SHC3: variants seen among roughly 807,000 people sequenced by gnomAD.
SHC3 encodes SHC-transforming protein 3.
In SHC3, 15 loss-of-function variants were observed where a neutral mutation model predicts 60.4. That is an observed-to-expected ratio of 0.25 (90% CI 0.17 to 0.38). SHC3 has a LOEUF of 0.38. Ranked by LOEUF, SHC3 falls within the 10% of genes least tolerant of loss-of-function variation. SHC3 has a pLI of 1.00. For synonymous variants in SHC3, 294 were observed against 325.9 expected (o/e 0.90, Z 1.05); for missense variants, 677 against 786.1 (o/e 0.86, Z 1.66).
intron 1 of SHC3, among the ~76,000 whole-genome samples, chr9:89,170,019 G>A (rs1826846988): frequency 1.3e-5 from 2 of 152,070 alleles, no homozygotes; most frequent in Non-Finnish European, 2.9e-5. Flanking sequence ...ATGGGCTCAA[G>A]GCTCTCTTTC....
intron 11 of SHC3, among the ~76,000 whole-genome samples, chr9:89,022,684 T>A (rs1826224692): frequency 6.6e-6 from 1 of 152,082 alleles, no homozygotes; most frequent in Admixed American, 6.6e-5. Flanking sequence ...CAGAGGACCA[T>A]CCGAACATGC....
chr9:89,027,958 C>T (rs982211430), intron 11 of SHC3, among the ~76,000 whole-genome samples: 4 of 152,236 alleles, frequency 2.6e-5, no homozygotes, highest in Admixed American at 6.5e-5. Flanking sequence ...CAACTCCTTA[C>T]AGACAAACTA....
At chr9:89,092,969 T>C (rs1261753679) in intron 2 of SHC3, among the ~76,000 whole-genome samples, 1 of 152,220 alleles carries the variant, frequency 6.6e-6, no homozygotes, top group Non-Finnish European at 1.5e-5. Context: ...ATTTGTATCA[T>C]GCACATATCA....
intron 11 of SHC3, among the ~76,000 whole-genome samples, chr9:89,035,677 C>T (rs1321217524): frequency 6.6e-6 from 1 of 151,810 alleles, no homozygotes; most frequent in Non-Finnish European, 1.5e-5. Flanking sequence ...TGAGCCTCGG[C>T]CAGGTGTGGT....
intron 5 of SHC3, 57 bp downstream of exon 5, chr9:89,071,142 G>A (rs889019266): frequency 6.5e-7 from 1 of 1,529,982 alleles, no homozygotes; most frequent in East Asian, 2.2e-5. Flanking sequence ...ATTGAAGCAG[G>A]GGTCCCTTCT....
intron 11 of SHC3, among the ~76,000 whole-genome samples, chr9:89,014,193 T>TC (rs1199094528): frequency 6.6e-6 from 1 of 152,182 alleles, no homozygotes; most frequent in African/African-American, 2.4e-5. Context: ...GGCTCCGTGT[T>TC]CCTGGGCTTT....
At chr9:89,115,677 T>C (rs1826009860) in intron 1 of SHC3, among the ~76,000 whole-genome samples, 1 of 152,156 alleles carries the variant, frequency 6.6e-6, no homozygotes, top group Non-Finnish European at 1.5e-5. Flanking sequence ...AACTGCACAG[T>C]GCATGTCAAC....
rs1825848363 is a variant in SHC3 at position 89,105,645 on chromosome 9, A to T, written c.545+6911T>A. ...ACTAGACATGGTATGTGTTTGATAAATATTTGTTGAATGTATGAATGACAC... is the reference window on the plus strand; with the variant it reads ...ACTAGACATGGTATGTGTTTGATAATTATTTGTTGAATGTATGAATGACAC... On this transcript the variant is annotated intron_variant, in intron 2 of 11. Coordinates refer to ENST00000375835, the MANE Select transcript of SHC3 (RefSeq NM_016848.6). Among the ~76,000 whole-genome samples, 4 of 152,218 alleles carry T rather than the reference A, an allele frequency of 2.6e-5. No homozygotes were observed. In the South Asian group the frequency reaches 8.3e-4, roughly 32 times the overall value.
chr9:89,080,618 G>A (rs969244701), intron 2 of SHC3, among the ~76,000 whole-genome samples: 1 of 151,668 alleles, frequency 6.6e-6, no homozygotes, highest in Non-Finnish European at 1.5e-5. Flanking sequence ...AGCTATGCAG[G>A]AAAAAATTAT....
At chr9:89,065,400 A>G in intron 6 of SHC3, 129 bp downstream of exon 6, 1 of 986,074 alleles carries the variant, frequency 1.0e-6, no homozygotes, top group Non-Finnish European at 1.6e-6. Context: ...AACCTCATTC[A>G]TCCTTAGTAA....
At position 89,049,845 on chromosome 9, in the gene SHC3, C is replaced by T. The variant is rs534354846; in HGVS notation, c.962+2192G>A. ...CCAATCCAGCTATTTCTGAACCTCA[C>T]TTCCATTTTCTGTAAGTCATTTTCC... On this transcript the variant is annotated intron_variant, in intron 7 of 11. Coordinates refer to ENST00000375835, the MANE Select transcript of SHC3 (RefSeq NM_016848.6). Among the ~76,000 whole-genome samples the T allele has an allele frequency of 3.5e-4, 54 of 152,360 alleles. No homozygotes were observed. In the South Asian group the frequency reaches 0.011, roughly 30 times the overall value.
At position 89,075,116 on chromosome 9, in the gene SHC3, G is replaced by A. The variant is rs1266519008; in HGVS notation, c.722C>T (p.Ser241Phe). 4 of 1,613,912 alleles carry A rather than the reference G, an allele frequency of 2.5e-6. No individual in the cohort carries two copies. Residue 241 changes from serine to phenylalanine, a missense_variant, in exon 4 of 12, where the codon TCC becomes TTC. By Grantham distance (155) the Ser-to-Phe change is radical (BLOSUM62 -2). Transcript: ENST00000375835. ...TASLNLRTPD[S>F]KQIIANHHMR... ...ATCTGAGCACCCATGTACCTGTTTG[G>A]AGTCCGGAGTTCGCAGGTTCAGACT...
At chr9:89,108,882 C>T (rs79495171) in intron 2 of SHC3, among the ~76,000 whole-genome samples, 1,560 of 152,312 alleles carry the variant, frequency 0.01, 32 homozygotes, top group African/African-American at 0.036. Context: ...GTGCTAACCA[C>T]TCTCAAAGAA....
Position 89,126,010 on chromosome 9 carries a change from C to T in SHC3, c.475-13384G>A, listed in dbSNP as rs962172451. On this transcript the variant is annotated intron_variant, in intron 1 of 11. Coordinates refer to ENST00000375835, the MANE Select transcript of SHC3 (RefSeq NM_016848.6). Reference sequence around the variant, plus strand: ...GATTTGCTTCATATTATTTCTTGTGCGAGATCCAAGAACCCTCTCTTGGGA... The same window carrying T: ...GATTTGCTTCATATTATTTCTTGTGTGAGATCCAAGAACCCTCTCTTGGGA... 3.3e-5 allele frequency among the ~76,000 whole-genome samples: 5 copies of T among 152,084 alleles called. No individual in the cohort carries two copies. In the East Asian group the frequency reaches 7.7e-4, roughly 23 times the overall value.
rs191323006 is a variant in SHC3 at position 89,157,141 on chromosome 9, C to G, written c.474+20846G>C. ...CCCGCTAACACCCTCCTTTCTCCCA[C>G]TACAAACCTCAATAAATATTTGGCC... On this transcript the variant is annotated intron_variant, in intron 1 of 11. Coordinates refer to ENST00000375835, the MANE Select transcript of SHC3 (RefSeq NM_016848.6). 1.4e-4 allele frequency among the ~76,000 whole-genome samples: 21 copies of G among 152,314 alleles called. No homozygotes were observed. The East Asian group carries it at 1.9e-3, about 14-fold the overall frequency.
chr9:89,021,297 CTCCA>C (rs1826197273), intron 11 of SHC3, among the ~76,000 whole-genome samples: 1 of 152,188 alleles, frequency 6.6e-6, no homozygotes, highest in African/African-American at 2.4e-5. Context: ...ACTGTGCCAT[CTCCA>C]TGAAACCTCC....
At chr9:89,036,509 C>A (rs917734430) in intron 11 of SHC3, among the ~76,000 whole-genome samples, 3 of 152,114 alleles carry the variant, frequency 2.0e-5, no homozygotes, top group Non-Finnish European at 4.4e-5. Context: ...AGATACCGTC[C>A]CCGGGTACAG....
At chr9:89,059,176 T>C (rs376145699) in intron 6 of SHC3, among the ~76,000 whole-genome samples, 1 of 44,386 alleles carries the variant, frequency 2.3e-5, no homozygotes, top group Non-Finnish European at 4.5e-5. Context: ...GACCGTGGTG[T>C]AGGACATGGT....
intron 1 of SHC3, among the ~76,000 whole-genome samples, chr9:89,116,301 G>T (rs1826018193): frequency 6.6e-6 from 1 of 152,136 alleles, no homozygotes; most frequent in South Asian, 2.1e-4. Context: ...AAACGTTGCA[G>T]AGTTATGTGA....
Sources: allele counts gnomAD v4.1 joint callset (sites outside exome capture counted in the v4.1 genomes callset), GRCh38; gene constraint gnomAD v4.1.1; transcripts MANE v1.5; gene names NCBI Gene and HGNC (gene_info 2026-07-23, HGNC 2026-07-21).